DGKG: variants seen among roughly 807,000 people sequenced by gnomAD.
DGKG encodes DAG kinase gamma.
A neutral mutation model predicts 105.3 loss-of-function variants in DGKG; 78 were observed. The ratio of observed to expected loss-of-function variants is 0.74; its 90% CI spans 0.62 to 0.89. The LOEUF is 0.89. DGKG is among the 40% of genes least tolerant of loss of function. The pLI, the probability that DGKG is intolerant of heterozygous loss-of-function variation, is 0.00. For missense variants in DGKG, 958 were observed against 1,020.1 expected (o/e 0.94, Z 0.83); for synonymous variants, 346 against 367.1 (o/e 0.94, Z 0.66).
intron 22 of DGKG, among the ~76,000 whole-genome samples, chr3:186,185,869 G>A (rs1344764449): frequency 6.6e-6 from 1 of 151,854 alleles, no homozygotes; most frequent in Non-Finnish European, 1.5e-5. Context: ...GGCTGAGGCG[G>A]GTGGATCACC....
intron 24 of DGKG, chr3:186,159,906 T>G (rs549134593): frequency 6.6e-6 from 1 of 151,744 alleles, no homozygotes; most frequent in East Asian, 1.9e-4. Flanking sequence ...GAGAAAAGAG[T>G]GTACAAACAC....
chr3:186,148,819 G>A lies in DGKG; in HGVS notation c.*1271C>T, dbSNP rs1288016358. The A allele has an allele frequency of 1.0e-6, 1 of 985,288 alleles. No homozygotes were observed. The highest frequency in any genetic ancestry group is 1.2e-6 in the Non-Finnish European group (1 of 829,862). 61.0% of individuals were successfully genotyped at this position (985,288 alleles called of 1,614,324 possible). On this transcript the variant is annotated 3_prime_UTR_variant, in exon 25 of 25. Coordinates refer to ENST00000265022, the MANE Select transcript of DGKG (RefSeq NM_001346.3). The stretch of plus-strand genomic sequence containing the variant: ...TACTTTCATTCCCCTTAACCCTTGT[G>A]ATCACCACAGGGAGATGCGTCCTGA...
chr3:186,308,091 T>C (rs376407792), intron 2 of DGKG, among the ~76,000 whole-genome samples: 1 of 152,182 alleles, frequency 6.6e-6, no homozygotes, highest in East Asian at 1.9e-4. Flanking sequence ...TTCCCCTTAA[T>C]GTTCCCTCTA....
In DGKG at chr3:186,196,140, T is replaced by TC. The variant is rs548032826; in HGVS notation, c.1918-7762_1918-7761insG. On this transcript the variant is annotated intron_variant, in intron 21 of 24. Transcript: ENST00000265022. ...GGATCTCTCTCTCTTTTTCTTTCTT[T>TC]TTTTTTTTTTTTTTTAAGACTGAGT... Among the ~76,000 whole-genome samples, 59 of 145,974 alleles carry TC rather than the reference T, an allele frequency of 4.0e-4. No homozygotes were observed. In the South Asian group the frequency reaches 7.6e-3, roughly 19 times the overall value.
chr3:186,176,857 C>T (rs1339926170), intron 22 of DGKG, among the ~76,000 whole-genome samples: 1 of 151,620 alleles, frequency 6.6e-6, no homozygotes, highest in Non-Finnish European at 1.5e-5. Context: ...TGCAAAGGGG[C>T]AAAGGTCCCT....
At position 186,288,818 on chromosome 3, in the gene DGKG, G is replaced by C. The variant is rs149422275; in HGVS notation, c.436C>G (p.Pro146Ala). ...GAGCTTGAAGACCGAGGGACGGGGG[G>C]TTCCAGGGGGGTCGCAGCCACTTGG... The part of the protein sequence containing the change: ...EDQVAATPLE[P>A]PVPRSSSSES... The change falls in exon 6 of 25, where the codon CCC (proline) becomes GCC (alanine). Residue 146 changes from proline (P) to alanine (A), a missense_variant. Around this residue, in one of 2 missense-constraint regions of DGKG, gnomAD observed 643 missense variants for 619.5 expected, o/e 1.04. Coordinates refer to ENST00000265022, the MANE Select transcript of DGKG (RefSeq NM_001346.3). 4 of 1,611,134 alleles carry C rather than the reference G, an allele frequency of 2.5e-6. No homozygotes were observed. Among genetic ancestry groups the C allele is most frequent in the East Asian group, 2.2e-5 (1 of 44,746 alleles).
At chr3:186,205,332 A>C (rs1718677321) in intron 21 of DGKG, among the ~76,000 whole-genome samples, 1 of 152,030 alleles carries the variant, frequency 6.6e-6, no homozygotes, top group Admixed American at 6.5e-5. Flanking sequence ...CAAGAACATA[A>C]AGGTGAGTGA....
chr3:186,309,695 T>C (rs1463206946), intron 2 of DGKG, among the ~76,000 whole-genome samples: 1 of 152,164 alleles, frequency 6.6e-6, no homozygotes. Flanking sequence ...AGAGTTAGCA[T>C]TTTGATTGAG....
intron 23 of DGKG, 139 bp downstream of exon 23, chr3:186,164,759 G>T: frequency 9.6e-7 from 1 of 1,041,708 alleles, no homozygotes; most frequent in Non-Finnish European, 1.4e-6. Context: ...GGTCTACAAA[G>T]ACGTTCTTTA....
At chr3:186,161,910 T>C (rs1323805380) in intron 23 of DGKG, among the ~76,000 whole-genome samples, 1 of 152,144 alleles carries the variant, frequency 6.6e-6, no homozygotes, top group Non-Finnish European at 1.5e-5. Flanking sequence ...TGTGTGTGTT[T>C]TGAGATGGAG....
intron 1 of DGKG, among the ~76,000 whole-genome samples, chr3:186,320,965 G>T (rs1339717060): frequency 6.6e-6 from 1 of 152,200 alleles, no homozygotes; most frequent in Non-Finnish European, 1.5e-5. Context: ...ATGAGAGGTG[G>T]TATTAGAGCT....
At chr3:186,213,798 A>G (rs952671931) in intron 20 of DGKG, among the ~76,000 whole-genome samples, 1 of 152,234 alleles carries the variant, frequency 6.6e-6, no homozygotes, top group African/African-American at 2.4e-5. Context: ...TGGACAGGAC[A>G]TTGCTGTAGA....
At chr3:186,280,793 G>A (rs1722796408) in intron 7 of DGKG, 49 bp from the exon 8 acceptor site, 1 of 1,520,526 alleles carries the variant, frequency 6.6e-7, no homozygotes, top group Non-Finnish European at 9.1e-7. Flanking sequence ...AACCAGAGAT[G>A]TGTCATTAAG....
At position 186,149,107 on chromosome 3, in the gene DGKG, C is replaced by T. The variant is rs943873468; in HGVS notation, c.*983G>A. The T allele has an allele frequency of 2.0e-5, 20 of 984,854 alleles. No homozygotes were observed. Among genetic ancestry groups the T allele is most frequent in the African/African-American group, 1.8e-4 (10 of 57,020 alleles). 61.0% of individuals were successfully genotyped at this position (984,854 alleles called of 1,614,324 possible). ...TGAGTGCAAAGAAGCAGGAGGGAAC[C>T]GTCTCCTGGTTTCCCCAGCAAAGTT... On this transcript the variant is annotated 3_prime_UTR_variant, in exon 25 of 25. Transcript: ENST00000265022.
At position 186,147,450 on chromosome 3, in the gene DGKG, C is replaced by A. The variant is rs1560069692; in HGVS notation, c.*2640G>T. On this transcript the variant is annotated 3_prime_UTR_variant, in exon 25 of 25. Transcript: ENST00000265022. ...AGGGTCACTATGATGAGGGACTCCA[C>A]CACAAGAAACCACAGTCATAGTGTT... The A allele has an allele frequency of 3.0e-6, 3 of 985,100 alleles. No individual in the cohort carries two copies. The highest frequency in any genetic ancestry group is 3.6e-6 in the Non-Finnish European group (3 of 829,756). 61.0% of individuals were successfully genotyped at this position (985,100 alleles called of 1,614,324 possible). A position where few individuals can be genotyped will look rare whatever the true frequency, so the allele number is the denominator to read the frequency against.
intron 3 of DGKG, among the ~76,000 whole-genome samples, chr3:186,299,816 TCTTTCTTTCTTTCTTTCTTTC>T (rs1723805696): frequency 9.3e-6 from 1 of 107,784 alleles, no homozygotes; most frequent in Non-Finnish European, 2.0e-5. Context: ...TTTCTTTCTT[TCTTTCTTTCTTTCTTTCTTTC>T]TTTTTTTTTT....
intron 1 of DGKG, among the ~76,000 whole-genome samples, chr3:186,354,146 G>A (rs1726789231): frequency 6.6e-6 from 1 of 152,128 alleles, no homozygotes; most frequent in Non-Finnish European, 1.5e-5. Context: ...TGGCTTCCAA[G>A]GAAGGGACAC....
intron 24 of DGKG, among the ~76,000 whole-genome samples, chr3:186,157,031 G>A (rs924431429): frequency 3.3e-5 from 5 of 151,428 alleles, no homozygotes; most frequent in Admixed American, 2.6e-4. Context: ...AGTATATATT[G>A]CATTGGCTAA....
At chr3:186,318,326 G>C (rs530982598) in intron 2 of DGKG, among the ~76,000 whole-genome samples, 86 of 152,234 alleles carry the variant, frequency 5.6e-4, no homozygotes, top group African/African-American at 2.0e-3. Context: ...GGAATGCTTA[G>C]TGGGTGTGTT....
Sources: allele counts gnomAD v4.1 joint callset (sites outside exome capture counted in the v4.1 genomes callset), GRCh38; gene constraint gnomAD v4.1.1; regional missense constraint gnomAD v4.1.1; transcripts MANE v1.5; gene names NCBI Gene and HGNC (gene_info 2026-07-23, HGNC 2026-07-21).